PRKAR2A: variants seen among roughly 807,000 people sequenced by gnomAD.
PRKAR2A encodes cAMP-dependent protein kinase type II-alpha regulatory subunit.
A neutral mutation model predicts 51.9 loss-of-function variants in PRKAR2A; 29 were observed. The observed-to-expected ratio is 0.56, with a 90% CI of 0.42 to 0.76. The LOEUF (loss-of-function observed/expected upper bound fraction) is 0.76. Ranked by LOEUF, PRKAR2A falls within the 30% of genes least tolerant of loss-of-function variation. The probability of loss-of-function intolerance (pLI) is 0.00; values close to 1 mark genes in which losing one functional copy is unlikely to be tolerated. For missense variants in PRKAR2A, 445 were observed against 512.1 expected (o/e 0.87, Z 1.26); for synonymous variants, 178 against 186.2 (o/e 0.96, Z 0.36).
chr3:48,801,124 C>T (rs753535575), intron 2 of PRKAR2A, among the ~76,000 whole-genome samples: 1 of 152,166 alleles, frequency 6.6e-6, no homozygotes, highest in Non-Finnish European at 1.5e-5. Context: ...GGATTACAGG[C>T]GTGGGCCACC....
At chr3:48,817,764 A>G (rs1047739185) in intron 1 of PRKAR2A, among the ~76,000 whole-genome samples, 5 of 151,740 alleles carry the variant, frequency 3.3e-5, no homozygotes, top group Admixed American at 6.6e-5. Context: ...TCATATTTTA[A>G]AAACAAAAAC....
At chr3:48,786,372 G>A (rs188771816) in intron 4 of PRKAR2A, among the ~76,000 whole-genome samples, 155 of 150,594 alleles carry the variant, frequency 1.0e-3, no homozygotes, top group African/African-American at 3.6e-3. Flanking sequence ...TGATCTGCCC[G>A]CCTCGGCCTC....
chr3:48,837,278 A>G (rs9681921), intron 1 of PRKAR2A, among the ~76,000 whole-genome samples: 2 of 152,124 alleles, frequency 1.3e-5, no homozygotes, highest in African/African-American at 4.8e-5. Flanking sequence ...CACTCCAACC[A>G]GGGCAACAGA....
intron 2 of PRKAR2A, among the ~76,000 whole-genome samples, chr3:48,799,834 T>C (rs1280624638): frequency 6.6e-6 from 1 of 152,190 alleles, no homozygotes; most frequent in Non-Finnish European, 1.5e-5. Flanking sequence ...AAATAAAAGT[T>C]GGGCTTTTTT....
chr3:48,841,134 C>G (rs930980663), intron 1 of PRKAR2A, among the ~76,000 whole-genome samples: 18 of 151,538 alleles, frequency 1.2e-4, no homozygotes, highest in African/African-American at 4.4e-4. Context: ...GATCCGCCCG[C>G]CTCGGCCCCC....
chr3:48,832,113 G>A (rs1422148448), intron 1 of PRKAR2A, among the ~76,000 whole-genome samples: 1 of 151,992 alleles, frequency 6.6e-6, no homozygotes, highest in East Asian at 1.9e-4. Context: ...AGCCAACATG[G>A]TGAAACTCCA....
At chr3:48,845,505 C>T (rs1441322024) in intron 1 of PRKAR2A, among the ~76,000 whole-genome samples, 1 of 152,206 alleles carries the variant, frequency 6.6e-6, no homozygotes, top group Non-Finnish European at 1.5e-5. Flanking sequence ...AAGATCCTAA[C>T]TTGGCCTCTC....
chr3:48,832,893 T>G (rs1253215253), intron 1 of PRKAR2A, among the ~76,000 whole-genome samples: 1 of 152,166 alleles, frequency 6.6e-6, no homozygotes, highest in African/African-American at 2.4e-5. Context: ...GGCTGCTGTG[T>G]GCCAAAGACA....
intron 4 of PRKAR2A, among the ~76,000 whole-genome samples, chr3:48,785,146 AGTGGC>A (rs1196441381): frequency 6.7e-6 from 1 of 148,176 alleles, no homozygotes; most frequent in Non-Finnish European, 1.5e-5. Context: ...GCTGGAGTGC[AGTGGC>A]GCGATCTTGG....
chr3:48,830,628 A>G (rs1306674851), intron 1 of PRKAR2A, among the ~76,000 whole-genome samples: 1 of 152,164 alleles, frequency 6.6e-6, no homozygotes, highest in Non-Finnish European at 1.5e-5. Context: ...TGAAAATTGG[A>G]GAAGGGTTGG....
chr3:48,836,296 G>A (rs1157034567), intron 1 of PRKAR2A, among the ~76,000 whole-genome samples: 3 of 151,270 alleles, frequency 2.0e-5, no homozygotes, highest in South Asian at 2.1e-4. Flanking sequence ...ACGGGTACCT[G>A]TAATCCCAGC....
intron 8 of PRKAR2A, among the ~76,000 whole-genome samples, chr3:48,759,081 G>T (rs1411637224): frequency 6.6e-6 from 1 of 152,124 alleles, no homozygotes; most frequent in African/African-American, 2.4e-5. Flanking sequence ...ACAATGCAAG[G>T]GGATAAAATT....
At chr3:48,753,002 C>A (rs35159831) in intron 9 of PRKAR2A, among the ~76,000 whole-genome samples, 1 of 137,302 alleles carries the variant, frequency 7.3e-6, no homozygotes, top group South Asian at 2.3e-4. Flanking sequence ...GCGCAATATC[C>A]GCTCACTTCA....
At chr3:48,774,135 A>AT (rs935552519) in intron 5 of PRKAR2A, among the ~76,000 whole-genome samples, 3 of 151,760 alleles carry the variant, frequency 2.0e-5, no homozygotes, top group African/African-American at 7.3e-5. Context: ...GCCCGGCCTA[A>AT]TTTTTTTTCT....
intron 1 of PRKAR2A, among the ~76,000 whole-genome samples, chr3:48,829,840 C>CGT (rs1256218451): frequency 0.25 from 15,150 of 61,072 alleles, 2,409 homozygotes; most frequent in East Asian, 0.64. Context: ...CATATATATG[C>CGT]GTGTGTGTAT....
intron 1 of PRKAR2A, among the ~76,000 whole-genome samples, chr3:48,809,880 G>C (rs1311553745): frequency 6.6e-6 from 1 of 152,074 alleles, no homozygotes; most frequent in African/African-American, 2.4e-5. Context: ...AGATCCACCT[G>C]AGTCATTCTA....
chr3:48,773,217 C>A (rs2082053924), intron 5 of PRKAR2A, 109 bp from the exon 6 acceptor site: 7 of 851,206 alleles, frequency 8.2e-6, no homozygotes, highest in Non-Finnish European at 1.2e-5. Flanking sequence ...TCCAATGGAA[C>A]TTTGCTAGTA....
intron 1 of PRKAR2A, among the ~76,000 whole-genome samples, chr3:48,817,320 C>A (rs71324923): frequency 8.0e-6 from 1 of 125,354 alleles, no homozygotes; most frequent in Non-Finnish European, 1.6e-5. Flanking sequence ...AGCAAGACTA[C>A]GTCTCAATAA....
intron 2 of PRKAR2A, among the ~76,000 whole-genome samples, chr3:48,795,101 A>G (rs1348545332): frequency 6.6e-6 from 1 of 151,898 alleles, no homozygotes; most frequent in Non-Finnish European, 1.5e-5. Context: ...CTCAGCCTCC[A>G]GAGTAGCTGG....
Sources: gnomAD v4.1 joint callset for allele counts (sites outside exome capture counted in the v4.1 genomes callset) on GRCh38, gnomAD v4.1.1 for gene constraint, MANE v1.5 for transcripts, NCBI Gene and HGNC (gene_info 2026-07-23, HGNC 2026-07-21) for gene names.